MAOB: variants seen among roughly 807,000 people sequenced by gnomAD.
The protein encoded by MAOB is amine oxidase [flavin-containing] B.
In MAOB, 15 loss-of-function variants were observed where a neutral mutation model predicts 41.9. The observed-to-expected ratio is 0.36, with a 90% CI of 0.24 to 0.55. MAOB has a LOEUF of 0.55. Ranked by LOEUF, MAOB falls within the 20% of genes least tolerant of loss-of-function variation. The probability of loss-of-function intolerance (pLI) is 0.86; values close to 1 mark genes in which losing one functional copy is unlikely to be tolerated. For synonymous variants in MAOB, 167 were observed against 144.2 expected (o/e 1.16, Z -1.13); for missense variants, 345 against 398.7 (o/e 0.87, Z 1.15).
chrX:43,875,821 GA>G (rs2147183522), intron 1 of MAOB, among the ~76,000 whole-genome samples: 1 of 111,720 alleles, frequency 9.0e-6, no homozygotes, highest in Non-Finnish European at 1.9e-5. Context: ...CAAGTACCAA[GA>G]AAAATTGAAG....
chrX:43,873,959 G>C (rs1249476337), intron 1 of MAOB, among the ~76,000 whole-genome samples: 1 of 112,011 alleles, frequency 8.9e-6, no homozygotes, highest in Non-Finnish European at 1.9e-5. Context: ...ACAGGTGTGA[G>C]CCACTGCACC....
chrX:43,860,292 T>G (rs772196887), intron 1 of MAOB, among the ~76,000 whole-genome samples: 1 of 112,047 alleles, frequency 8.9e-6, no homozygotes, highest in South Asian at 3.8e-4. Context: ...TACTTAATTG[T>G]GCCTTCCTCT....
At chrX:43,827,338 CA>C (rs1421441943) in intron 3 of MAOB, among the ~76,000 whole-genome samples, 1 of 111,797 alleles carries the variant, frequency 8.9e-6, no homozygotes, top group African/African-American at 3.3e-5. Flanking sequence ...TGGAGTCATT[CA>C]AAGGCTCAAC....
At chrX:43,847,603 T>C (rs1294528226) in intron 1 of MAOB, among the ~76,000 whole-genome samples, 1 of 111,715 alleles carries the variant, frequency 9.0e-6, no homozygotes, top group African/African-American at 3.3e-5. Context: ...CCACTACCCT[T>C]GGACAAAAAA....
intron 5 of MAOB, among the ~76,000 whole-genome samples, chrX:43,798,083 T>C (rs1173475146): frequency 2.7e-5 from 3 of 111,989 alleles, no homozygotes; most frequent in Non-Finnish European, 5.6e-5. Flanking sequence ...ATTCCCAGCA[T>C]CCTGACATTC....
chrX:43,772,119 G>A (rs2034193185), intron 12 of MAOB, among the ~76,000 whole-genome samples: 1 of 111,513 alleles, frequency 9.0e-6, no homozygotes, highest in Non-Finnish European at 1.9e-5. Flanking sequence ...TGAACTTTCA[G>A]GGCTCTGAAT....
chrX:43,875,147 A>G (rs1264524391), intron 1 of MAOB, among the ~76,000 whole-genome samples: 1 of 111,778 alleles, frequency 8.9e-6, no homozygotes, highest in Admixed American at 9.5e-5. Context: ...CATTCAAAGT[A>G]TTAGTGATTC....
intron 3 of MAOB, among the ~76,000 whole-genome samples, chrX:43,822,534 C>G (rs1186449368): frequency 9.0e-6 from 1 of 111,333 alleles, no homozygotes; most frequent in African/African-American, 3.3e-5. Flanking sequence ...AAGGAAGAGG[C>G]AAGTTTGGCC....
At chrX:43,878,588 T>C (rs956324554) in intron 1 of MAOB, among the ~76,000 whole-genome samples, 2 of 111,603 alleles carry the variant, frequency 1.8e-5, no homozygotes, top group Middle Eastern at 4.2e-3. Flanking sequence ...TTGACTAGGA[T>C]ATACAAATTT....
At chrX:43,866,948 G>T (rs1301207841) in intron 1 of MAOB, among the ~76,000 whole-genome samples, 1 of 112,135 alleles carries the variant, frequency 8.9e-6, no homozygotes, top group Non-Finnish European at 1.9e-5. Context: ...GAGGAAGATG[G>T]GTTACTTATC....
chrX:43,874,600 C>T (rs1244603090), intron 1 of MAOB, among the ~76,000 whole-genome samples: 1 of 111,546 alleles, frequency 9.0e-6, no homozygotes, highest in East Asian at 2.8e-4. Flanking sequence ...CTGCCCCCCT[C>T]CTACTAACTT....
rs2034293569 is a variant in MAOB at position 43,778,823 on chromosome X, TA to T, written c.1080-85del. The T allele has an allele frequency of 7.2e-6, 5 of 696,640 alleles. No individual in the cohort carries two copies. In the South Asian group the frequency reaches 1.1e-4, roughly 15 times the overall value. The allele number at this position is 696,640 out of a possible 1,213,427, so 57.4% of individuals were successfully genotyped here. ...TGGGAAAGAGGCATTTATCCCCTCA[TA>T]AAAAAGATTCCATGAGCCATTGATT... On this transcript the variant is annotated intron_variant, in intron 10 of 14. Transcript: ENST00000378069.
intron 5 of MAOB, among the ~76,000 whole-genome samples, chrX:43,800,416 A>G (rs2034578533): frequency 8.9e-6 from 1 of 111,865 alleles, no homozygotes; most frequent in African/African-American, 3.2e-5. Context: ...CAATTTTATT[A>G]CTATTAAAAT....
intron 1 of MAOB, among the ~76,000 whole-genome samples, chrX:43,860,274 A>G (rs939461591): frequency 2.7e-5 from 3 of 111,982 alleles, no homozygotes; most frequent in African/African-American, 9.7e-5. Flanking sequence ...CTTGATATGT[A>G]AACTGCCTAC....
At chrX:43,800,326 G>A (rs1009411177) in intron 5 of MAOB, among the ~76,000 whole-genome samples, 12 of 110,586 alleles carry the variant, frequency 1.1e-4, no homozygotes, top group African/African-American at 3.9e-4. Flanking sequence ...TTCATAACAG[G>A]AGTTATAAAA....
At chrX:43,847,034 C>A (rs12013965) in intron 1 of MAOB, among the ~76,000 whole-genome samples, 1,165 of 112,328 alleles carry the variant, frequency 0.01, 18 homozygotes, top group African/African-American at 0.036. Context: ...ATGCAATTAA[C>A]AATTTGTTTG....
Position 43,799,687 on chromosome X carries a change from G to A in MAOB, c.477-2421C>T, listed in dbSNP as rs760202841. ...TCAAGGAAGTTAGTGCAATATTTCCGTATTTTTTGCCCTGTTGACTTTTTA... is the reference window on the plus strand; with the variant it reads ...TCAAGGAAGTTAGTGCAATATTTCCATATTTTTTGCCCTGTTGACTTTTTA... On this transcript the variant is annotated intron_variant, in intron 5 of 14. Coordinates refer to ENST00000378069, the MANE Select transcript of MAOB (RefSeq NM_000898.5). Among the ~76,000 whole-genome samples the A allele has an allele frequency of 8.1e-5, 9 of 111,209 alleles. No individual in the cohort carries two copies. In the South Asian group the frequency reaches 3.0e-3, roughly 37 times the overall value.
intron 1 of MAOB, chrX:43,850,237 C>A (rs889497917): frequency 2.1e-5 from 9 of 419,241 alleles, no homozygotes; most frequent in Non-Finnish European, 2.7e-5. Flanking sequence ...TACAGAGATC[C>A]ATGTTGCTAA....
intron 3 of MAOB, among the ~76,000 whole-genome samples, chrX:43,832,278 C>A (rs771468152): frequency 8.9e-6 from 1 of 112,268 alleles, no homozygotes; most frequent in Non-Finnish European, 1.9e-5. Flanking sequence ...GAAGGCCAAC[C>A]AAGTACTTAC....
Sources: gnomAD v4.1 joint callset for allele counts (sites outside exome capture counted in the v4.1 genomes callset) on GRCh38, gnomAD v4.1.1 for gene constraint, MANE v1.5 for transcripts, NCBI Gene and HGNC (gene_info 2026-07-23, HGNC 2026-07-21) for gene names.